The following IRAG2 variants were observed in gnomAD, a reference collection of about 807,000 sequenced individuals.
IRAG2 encodes inositol 1,4,5-triphosphate receptor associated 2, also known as lymphoid restricted membrane protein.
In IRAG2, 45 loss-of-function variants were observed where a neutral mutation model predicts 69.9. The ratio of observed to expected loss-of-function variants is 0.64; its 90% CI spans 0.51 to 0.83. IRAG2 has a LOEUF of 0.83. Among genes scored for constraint, IRAG2 ranks in the 40% least tolerant of loss-of-function variants. IRAG2 has a pLI of 0.00. For synonymous variants in IRAG2, 193 were observed against 202.4 expected (o/e 0.95, Z 0.40); for missense variants, 520 against 587.0 (o/e 0.89, Z 1.18).
chr12:25,013,069 T>C (rs1195632723), intron 3 of IRAG2, among the ~76,000 whole-genome samples: 1 of 152,230 alleles, frequency 6.6e-6, no homozygotes, highest in Non-Finnish European at 1.5e-5. Context: ...CTAGCCCATG[T>C]GGTGGACTGT....
intron 6 of IRAG2, among the ~76,000 whole-genome samples, chr12:25,077,014 C>A (rs1042990237): frequency 6.6e-6 from 1 of 150,572 alleles, no homozygotes; most frequent in South Asian, 2.1e-4. Flanking sequence ...TAGCTGCAAT[C>A]GCAGGTGTAC....
At chr12:25,015,122 TGGTCAGGC>T in intron 3 of IRAG2, 2 of 303,764 alleles carry the variant, frequency 6.6e-6, no homozygotes, top group Non-Finnish European at 9.0e-6. Flanking sequence ...AGACAAAACT[TGGTCAGGC>T]AAAGAATCCT....
At chr12:25,051,356 T>TCTGA (rs2139876858), upstream of IRAG2, among the ~76,000 whole-genome samples, 1 of 152,320 alleles carries the variant, frequency 6.6e-6, no homozygotes, top group East Asian at 1.9e-4. Context: ...GCAGTGGCAT[T>TCTGA]CTGACTAAAT....
At chr12:25,024,640 T>C (rs1480108836) in intron 8 of IRAG2, among the ~76,000 whole-genome samples, 1 of 152,204 alleles carries the variant, frequency 6.6e-6, no homozygotes, top group African/African-American at 2.4e-5. Context: ...TATGAAGCTA[T>C]GCAGCACAAT....
chr12:25,033,770 T>C (rs1306651641), intron 12 of IRAG2: 1 of 396,754 alleles, frequency 2.5e-6, no homozygotes, highest in South Asian at 1.4e-4. Context: ...TCGTGATAAA[T>C]GGACCCTATA....
chr12:25,107,096 A>T, intron 21 of IRAG2, 46 bp downstream of exon 21: 1 of 1,084,672 alleles, frequency 9.2e-7, no homozygotes, highest in Non-Finnish European at 1.4e-6. Context: ...TGGAATGGGA[A>T]AGGGTGAGGC....
In IRAG2 at chr12:25,015,088, GAAA is replaced by G; in HGVS notation, c.897-72_897-70del. 8.8e-3 allele frequency: 447 copies of G among 50,880 alleles called. 5 individuals carry two copies. Among genetic ancestry groups the G allele is most frequent in the African/African-American group, 0.033 (398 of 12,072 alleles). 3.2% of individuals were successfully genotyped at this position (50,880 alleles called of 1,614,324 possible). ...AAAGGAAAGTACAGAGCATAAATCT[GAAA>G]AAAAAAAAAAAAAAAAAAAAAGACA... On this transcript the variant is annotated intron_variant, in intron 3 of 38. Transcript: ENST00000636465.
At chr12:25,021,302 A>C in intron 7 of IRAG2, among the ~76,000 whole-genome samples, 1 of 151,432 alleles carries the variant, frequency 6.6e-6, no homozygotes, top group East Asian at 1.9e-4. Flanking sequence ...TTTTTTACAT[A>C]TTTCTCAGTC....
chr12:25,039,388 G>A (rs145493030), intron 16 of IRAG2, among the ~76,000 whole-genome samples: 1 of 152,300 alleles, frequency 6.6e-6, no homozygotes, highest in Non-Finnish European at 1.5e-5. Flanking sequence ...AAGTGGACAC[G>A]CAGCTTCCTT....
Position 25,089,805 on chromosome 12 carries a change from A to T in IRAG2, c.465+15A>T, listed in dbSNP as rs1947908802. On this transcript the variant is annotated intron_variant, in intron 13 of 21. Transcript: ENST00000556887. ...AGGAGGTGGAGGTGAGTTTAAAGCAAATTTTTTTTCCTTTTAAAAAAGTGT... is the reference window on the plus strand; with the variant it reads ...AGGAGGTGGAGGTGAGTTTAAAGCATATTTTTTTTCCTTTTAAAAAAGTGT... 3 of 1,612,554 alleles carry T rather than the reference A, an allele frequency of 1.9e-6. No individual in the cohort carries two copies. The highest frequency in any genetic ancestry group is 1.7e-5 in the Admixed American group (1 of 59,996).
chr12:25,080,116 A>G (rs1947096050), intron 9 of IRAG2, among the ~76,000 whole-genome samples: 1 of 152,214 alleles, frequency 6.6e-6, no homozygotes, highest in African/African-American at 2.4e-5. Flanking sequence ...AATTCTTGGA[A>G]TCCTAGTTCG....
chr12:25,030,676 C>T (rs1038906271), intron 10 of IRAG2, among the ~76,000 whole-genome samples: 5 of 152,134 alleles, frequency 3.3e-5, no homozygotes, highest in Non-Finnish European at 7.3e-5. Context: ...CGTGAGCCAC[C>T]GCACCCAGCC....
upstream of IRAG2, among the ~76,000 whole-genome samples, chr12:25,050,824 G>T (rs539968836): frequency 3.3e-5 from 5 of 152,188 alleles, no homozygotes; most frequent in East Asian, 9.7e-4. Flanking sequence ...TGCCACATAT[G>T]ACAACATAGA....
At chr12:25,059,796 C>G (rs927416681) in intron 1 of IRAG2, among the ~76,000 whole-genome samples, 1 of 151,974 alleles carries the variant, frequency 6.6e-6, no homozygotes, top group Non-Finnish European at 1.5e-5. Flanking sequence ...AAAAAAAAGT[C>G]CTATAAAATA....
chr12:25,014,440 G>A (rs917128341), intron 3 of IRAG2, among the ~76,000 whole-genome samples: 2 of 152,142 alleles, frequency 1.3e-5, no homozygotes, highest in Non-Finnish European at 2.9e-5. Flanking sequence ...GACAAACAAT[G>A]AGATGTAAAC....
chr12:25,077,330 T>A lies in IRAG2; in HGVS notation c.25-1914T>A, dbSNP rs56275093. 4.9e-4 allele frequency among the ~76,000 whole-genome samples: 6 copies of A among 12,248 alleles called. 1 individual carries two copies. Among genetic ancestry groups the A allele is most frequent in the Non-Finnish European group, 1.8e-3 (6 of 3,416 alleles). The allele number at this position is 12,248 out of a possible 152,430, so 8.0% of individuals were successfully genotyped here. On this transcript the variant is annotated intron_variant, in intron 6 of 21. Transcript: ENST00000556887. ...TATGATATATATGATATATATATGA[T>A]ATATATATGAAATATATATATGATA...
In IRAG2 at chr12:25,038,408, T is replaced by C. The variant is rs1944718975; in HGVS notation, c.2144+271T>C. Among the ~76,000 whole-genome samples the C allele has an allele frequency of 2.6e-5, 4 of 152,140 alleles. No individual in the cohort carries two copies. In the South Asian group the frequency reaches 8.3e-4, roughly 32 times the overall value. On this transcript the variant is annotated intron_variant, in intron 16 of 38. Transcript: ENST00000636465. The stretch of plus-strand genomic sequence containing the variant: ...CTGTAATCCCAGCACTTTGGGAGGC[T>C]AAGGTGGGCGAATCACCTGAGGTCA...
intron 6 of IRAG2, among the ~76,000 whole-genome samples, chr12:25,018,004 T>A (rs1944545162): frequency 6.6e-6 from 1 of 152,178 alleles, no homozygotes; most frequent in South Asian, 2.1e-4. Flanking sequence ...TCATCCATGT[T>A]GTAGCGTGTA....
At chr12:25,023,095 C>T (rs554734436) in intron 7 of IRAG2, among the ~76,000 whole-genome samples, 1 of 149,520 alleles carries the variant, frequency 6.7e-6, no homozygotes, top group East Asian at 2.0e-4. Context: ...TATTGTACCC[C>T]AGCCTGGGCA....
Sources: allele counts gnomAD v4.1 joint callset (sites outside exome capture counted in the v4.1 genomes callset), GRCh38; gene constraint gnomAD v4.1.1; transcripts MANE v1.5; gene names NCBI Gene and HGNC (gene_info 2026-07-23, HGNC 2026-07-21).